The following NAALADL2 variants were observed in gnomAD, a reference collection of about 807,000 sequenced individuals.
NAALADL2 encodes the protein inactive N-acetylated-alpha-linked acidic dipeptidase-like protein 2.
In NAALADL2, 76 loss-of-function variants were observed where a neutral mutation model predicts 87.2. The ratio of observed to expected loss-of-function variants is 0.87; its 90% CI spans 0.72 to 1.05. The LOEUF (loss-of-function observed/expected upper bound fraction) is 1.05. Among genes scored for constraint, NAALADL2 ranks in the 50% least tolerant of loss-of-function variants. The pLI is 0.00. For missense variants in NAALADL2, 1,089 were observed against 945.8 expected (o/e 1.15, Z -1.99); for synonymous variants, 354 against 331.0 (o/e 1.07, Z -0.75).
chr3:175,068,835 C>A (rs1715027716), intron 1 of NAALADL2, among the ~76,000 whole-genome samples: 1 of 152,048 alleles, frequency 6.6e-6, no homozygotes, highest in Non-Finnish European at 1.5e-5. Context: ...AAAAAGTATG[C>A]ACTTGGTATC....
At chr3:175,250,038 G>T (rs751424121) in intron 3 of NAALADL2, among the ~76,000 whole-genome samples, 8 of 151,794 alleles carry the variant, frequency 5.3e-5, no homozygotes, top group Non-Finnish European at 7.4e-5. Flanking sequence ...GCGTGGTGGC[G>T]CATGCCTGTA....
intron 5 of NAALADL2, among the ~76,000 whole-genome samples, chr3:175,414,349 G>T (rs551133232): frequency 3.3e-5 from 5 of 152,160 alleles, no homozygotes; most frequent in African/African-American, 9.6e-5. Flanking sequence ...TAGTGCACCG[G>T]TACCTTATGT....
At chr3:174,592,868 A>G (rs114297376) in intron 2 of NAALADL2, among the ~76,000 whole-genome samples, 1,691 of 152,050 alleles carry the variant, frequency 0.011, 14 homozygotes, top group Non-Finnish European at 0.017. Context: ...TTTGAATTTA[A>G]TGTGTTGAAG....
At chr3:174,589,289 G>T (rs1204319583) in intron 2 of NAALADL2, among the ~76,000 whole-genome samples, 1 of 152,134 alleles carries the variant, frequency 6.6e-6, no homozygotes, top group Non-Finnish European at 1.5e-5. Context: ...GCTTCCCTTG[G>T]CTAGGAAAGG....
intron 4 of NAALADL2, among the ~76,000 whole-genome samples, chr3:175,275,333 T>C (rs1052589776): frequency 2.6e-5 from 4 of 152,202 alleles, no homozygotes; most frequent in African/African-American, 9.6e-5. Context: ...TTAATGTTTT[T>C]AGGATTTCTT....
At chr3:174,891,501 G>C (rs184270964) in intron 1 of NAALADL2, among the ~76,000 whole-genome samples, 2 of 152,162 alleles carry the variant, frequency 1.3e-5, no homozygotes, top group Admixed American at 1.3e-4. Context: ...GCTGGAGGAG[G>C]GAGAACACAT....
chr3:175,504,414 C>G (rs576580241), intron 9 of NAALADL2, among the ~76,000 whole-genome samples: 3 of 152,200 alleles, frequency 2.0e-5, no homozygotes, highest in African/African-American at 4.8e-5. Context: ...AGTTGAAGCT[C>G]TAGCCCCTAA....
intron 4 of NAALADL2, among the ~76,000 whole-genome samples, chr3:175,317,510 T>C (rs986226023): frequency 6.6e-6 from 1 of 151,976 alleles, no homozygotes; most frequent in Non-Finnish European, 1.5e-5. Context: ...ATAGAAATAT[T>C]TGGCCATCCC....
At chr3:174,560,172 A>C (rs1236071801) in intron 2 of NAALADL2, among the ~76,000 whole-genome samples, 1 of 152,208 alleles carries the variant, frequency 6.6e-6, no homozygotes, top group Non-Finnish European at 1.5e-5. Context: ...TGAGATGTAG[A>C]GACTGTTACT....
intron 2 of NAALADL2, among the ~76,000 whole-genome samples, chr3:174,699,433 G>A (rs1385880197): frequency 6.6e-6 from 1 of 151,216 alleles, no homozygotes; most frequent in Non-Finnish European, 1.5e-5. Flanking sequence ...GGCGGAGGTT[G>A]CAGTGAGCCA....
chr3:175,511,975 C>T (rs988184651), intron 9 of NAALADL2, among the ~76,000 whole-genome samples: 16 of 152,168 alleles, frequency 1.1e-4, no homozygotes, highest in Non-Finnish European at 5.9e-5. Flanking sequence ...GGCATGGTGC[C>T]TAATGCCTGT....
At chr3:174,557,159 A>G (rs979007084) in intron 2 of NAALADL2, among the ~76,000 whole-genome samples, 2 of 152,206 alleles carry the variant, frequency 1.3e-5, no homozygotes, top group African/African-American at 4.8e-5. Context: ...TGATTAAAAC[A>G]TGTTACAAAT....
At chr3:175,495,673 A>G (rs749218509) in intron 9 of NAALADL2, among the ~76,000 whole-genome samples, 4 of 152,048 alleles carry the variant, frequency 2.6e-5, no homozygotes, top group Non-Finnish European at 5.9e-5. Context: ...TCCTTACCCC[A>G]GATGAATCAT....
intron 2 of NAALADL2, among the ~76,000 whole-genome samples, chr3:174,616,899 A>G (rs1216331590): frequency 6.6e-6 from 1 of 151,882 alleles, no homozygotes; most frequent in Non-Finnish European, 1.5e-5. Flanking sequence ...CATTTTTATA[A>G]GTTGAATTAT....
chr3:174,574,788 T>G (rs770494727), intron 2 of NAALADL2, among the ~76,000 whole-genome samples: 4 of 152,168 alleles, frequency 2.6e-5, no homozygotes, highest in Admixed American at 1.3e-4. Context: ...CATTATGTAC[T>G]GATTGGCTAC....
intron 5 of NAALADL2, among the ~76,000 whole-genome samples, chr3:175,338,608 A>C (rs1181722317): frequency 1.8e-5 from 2 of 109,614 alleles, no homozygotes. Flanking sequence ...AAAAAAAAAA[A>C]AAAAAACACC....
intron 1 of NAALADL2, among the ~76,000 whole-genome samples, chr3:174,983,796 G>T (rs1439690308): frequency 6.6e-6 from 1 of 152,096 alleles, no homozygotes; most frequent in African/African-American, 2.4e-5. Flanking sequence ...CATAGCAATT[G>T]ACTTGCATGT....
intron 10 of NAALADL2, among the ~76,000 whole-genome samples, chr3:175,586,333 G>A (rs894476137): frequency 6.6e-6 from 1 of 152,036 alleles, no homozygotes; most frequent in African/African-American, 2.4e-5. Context: ...TGAGGTCAAC[G>A]CTACTTGGCT....
intron 1 of NAALADL2, among the ~76,000 whole-genome samples, chr3:175,028,238 T>C (rs565875079): frequency 8.5e-5 from 13 of 152,202 alleles, no homozygotes; most frequent in Admixed American, 3.9e-4. Flanking sequence ...GAGGAGTAAG[T>C]TGCTCTGAAA....
Sources: gnomAD v4.1 joint callset for allele counts (sites outside exome capture counted in the v4.1 genomes callset) on GRCh38, gnomAD v4.1.1 for gene constraint, MANE v1.5 for transcripts, NCBI Gene and HGNC (gene_info 2026-07-23, HGNC 2026-07-21) for gene names.